Variants in DENND1A observed in about 807,000 individuals in gnomAD.
The protein encoded by DENND1A is DENN domain containing 1A.
Under a neutral mutation model 113.7 loss-of-function variants are expected in DENND1A, and 51 were observed. That is an observed-to-expected ratio of 0.45 (90% CI 0.36 to 0.57). The LOEUF (loss-of-function observed/expected upper bound fraction) is 0.57. Among genes scored for constraint, DENND1A ranks in the 20% least tolerant of loss-of-function variants. The pLI is 0.00. For missense variants in DENND1A, 1,258 were observed against 1,395.9 expected (o/e 0.90, Z 1.57); for synonymous variants, 565 against 570.8 (o/e 0.99, Z 0.14).
intron 6 of DENND1A, among the ~76,000 whole-genome samples, chr9:123,672,812 T>C (rs1365883141): frequency 6.6e-6 from 1 of 152,200 alleles, no homozygotes; most frequent in East Asian, 1.9e-4. Context: ...TCTTTATAAA[T>C]TACCCAGTCT....
chr9:123,827,457 GATGCAGTGAGCCATGATC>G (rs1839532035), intron 2 of DENND1A, among the ~76,000 whole-genome samples: 1 of 150,790 alleles, frequency 6.6e-6, no homozygotes, highest in Non-Finnish European at 1.5e-5. Flanking sequence ...CGAGGCTGGT[GATGCAGTGAGCCATGATC>G]ATGCCACTGC....
At chr9:123,772,402 A>G (rs1356144774) in intron 3 of DENND1A, among the ~76,000 whole-genome samples, 1 of 152,320 alleles carries the variant, frequency 6.6e-6, no homozygotes, top group East Asian at 1.9e-4. Context: ...GTCATTAACC[A>G]GTTACCAACC....
chr9:123,906,065 G>A (rs1009660326), intron 1 of DENND1A, among the ~76,000 whole-genome samples: 81 of 151,962 alleles, frequency 5.3e-4, no homozygotes, highest in Middle Eastern at 3.4e-3. Context: ...ACTCAAAACC[G>A]CTCAACTACA....
chr9:123,469,186 C>A (rs534260010), intron 13 of DENND1A, among the ~76,000 whole-genome samples: 1 of 152,208 alleles, frequency 6.6e-6, no homozygotes, highest in Non-Finnish European at 1.5e-5. Flanking sequence ...ACCATTTGCA[C>A]GGTGGCCGAG....
Position 123,462,514 on chromosome 9 carries a change from T to C in DENND1A, c.994-4617A>G, listed in dbSNP as rs189003580. On this transcript the variant is annotated intron_variant, in intron 13 of 23. Transcript: ENST00000394215. ...AGAGTTCTCTTTAAAATTGGAACCC[T>C]GGCCAGGCACGGTGGCTCACGTCTG... 2.8e-3 allele frequency among the ~76,000 whole-genome samples: 432 copies of C among 152,258 alleles called. 2 individuals are homozygous for C. The highest frequency in any genetic ancestry group is 9.5e-3 in the African/African-American group (396 of 41,566).
intron 3 of DENND1A, among the ~76,000 whole-genome samples, chr9:123,785,642 T>A (rs571930638): frequency 6.6e-6 from 1 of 152,262 alleles, no homozygotes; most frequent in Non-Finnish European, 1.5e-5. Flanking sequence ...ACCTTAGAAA[T>A]CTGTAATGCA....
At chr9:123,655,107 C>G (rs577911369) in intron 8 of DENND1A, among the ~76,000 whole-genome samples, 1 of 152,212 alleles carries the variant, frequency 6.6e-6, no homozygotes, top group Admixed American at 6.5e-5. Context: ...CTTGAGGACA[C>G]CCGCTTACTT....
chr9:123,569,035 A>G (rs1048864602), intron 12 of DENND1A, among the ~76,000 whole-genome samples: 1 of 152,232 alleles, frequency 6.6e-6, no homozygotes, highest in Non-Finnish European at 1.5e-5. Context: ...TTCATTATCT[A>G]GATAGCTAGA....
At chr9:123,557,436 CCCA>C in intron 13 of DENND1A, 131 bp downstream of exon 13, 1 of 1,351,196 alleles carries the variant, frequency 7.4e-7, no homozygotes, top group East Asian at 2.4e-5. Context: ...TACACTGTCC[CCCA>C]CCACAAACAC....
intron 13 of DENND1A, among the ~76,000 whole-genome samples, chr9:123,500,542 C>T (rs1224163928): frequency 6.6e-6 from 1 of 152,194 alleles, no homozygotes; most frequent in Admixed American, 6.5e-5. Context: ...GTTGACATAA[C>T]ACCTGTGAAG....
intron 13 of DENND1A, among the ~76,000 whole-genome samples, chr9:123,489,517 T>C (rs1266623819): frequency 3.9e-5 from 6 of 152,188 alleles, no homozygotes; most frequent in African/African-American, 1.4e-4. Flanking sequence ...TGGCATAAGC[T>C]CCAAATAAAT....
chr9:123,714,515 T>C (rs1565004161), intron 5 of DENND1A, among the ~76,000 whole-genome samples: 1 of 152,080 alleles, frequency 6.6e-6, no homozygotes, highest in South Asian at 2.1e-4. Context: ...AGAAGGAGAA[T>C]TGCTTGAACC....
At chr9:123,691,796 T>C (rs1466767802) in intron 5 of DENND1A, among the ~76,000 whole-genome samples, 1 of 152,154 alleles carries the variant, frequency 6.6e-6, no homozygotes, top group East Asian at 1.9e-4. Context: ...AAGACCAATG[T>C]GGCTGGTGAA....
chr9:123,758,012 A>G (rs1460711413), intron 4 of DENND1A, among the ~76,000 whole-genome samples, 190 bp from the exon 5 acceptor site: 1 of 149,868 alleles, frequency 6.7e-6, no homozygotes, highest in Non-Finnish European at 1.5e-5. Context: ...CCAGCAGCCT[A>G]TTCTAGTGAC....
chr9:123,907,715 G>C (rs1420701528), intron 1 of DENND1A, among the ~76,000 whole-genome samples: 1 of 149,368 alleles, frequency 6.7e-6, no homozygotes, highest in African/African-American at 2.5e-5. Context: ...ACAAATGGAA[G>C]AACATTCCAT....
intron 1 of DENND1A, among the ~76,000 whole-genome samples, chr9:123,924,519 C>A (rs938578030): frequency 6.6e-6 from 1 of 151,870 alleles, no homozygotes; most frequent in African/African-American, 2.4e-5. Context: ...GGCATGGTGG[C>A]GGGCACCTGC....
At chr9:123,796,889 C>T (rs747970378) in intron 2 of DENND1A, among the ~76,000 whole-genome samples, 2 of 151,782 alleles carry the variant, frequency 1.3e-5, no homozygotes, top group Non-Finnish European at 2.9e-5. Flanking sequence ...AAAAATACAC[C>T]GACTTCACTT....
chr9:123,562,680 G>A (rs914772952), intron 12 of DENND1A, among the ~76,000 whole-genome samples: 7 of 152,106 alleles, frequency 4.6e-5, no homozygotes, highest in Non-Finnish European at 8.8e-5. Context: ...AAAAGCATAT[G>A]TTACTTTTAT....
intron 19 of DENND1A, among the ~76,000 whole-genome samples, chr9:123,424,956 T>C (rs1015520995): frequency 1.3e-5 from 2 of 152,194 alleles, no homozygotes; most frequent in Admixed American, 6.5e-5. Context: ...GCCAGGTTAA[T>C]AATTTCCTTA....
Sources: gnomAD v4.1 joint callset for allele counts (sites outside exome capture counted in the v4.1 genomes callset) on GRCh38, gnomAD v4.1.1 for gene constraint, MANE v1.5 for transcripts, NCBI Gene and HGNC (gene_info 2026-07-23, HGNC 2026-07-21) for gene names.